The following ZNF679 variants were observed in gnomAD, a reference collection of about 807,000 sequenced individuals.
The protein encoded by ZNF679 is zinc finger protein 679.
Under a neutral mutation model 13.4 loss-of-function variants are expected in ZNF679, and 10 were observed. The ratio of observed to expected loss-of-function variants is 0.75; its 90% CI spans 0.46 to 1.27. The LOEUF (loss-of-function observed/expected upper bound fraction) is 1.27, where lower values mean the gene tolerates loss of function less well. Among genes scored for constraint, ZNF679 ranks in the 50% most tolerant of loss-of-function variants. The pLI, the probability that ZNF679 is intolerant of heterozygous loss-of-function variation, is 0.00. For synonymous variants in ZNF679, 179 were observed against 162.5 expected (o/e 1.10, Z -0.77); for missense variants, 525 against 477.8 (o/e 1.10, Z -0.92).
rs1375460697 is a variant in ZNF679 at position 64,260,284 on chromosome 7, C to T, written c.103C>T (p.His35Tyr). The change falls in exon 3 of 5, where the codon CAC becomes TAC. Residue 35 changes from histidine (H) to tyrosine (Y), a missense_variant. His to Tyr is a moderately conservative substitution (Grantham distance 83). Transcript: ENST00000421025. ...TCTGGAGGAGTGGCAATGCCTGGAT[C>T]ACGCTCAGCAGAATTTATATAGAGA... ...FSLEEWQCLDHAQQNLYRDVM... is the reference protein window; with the variant it reads ...FSLEEWQCLDYAQQNLYRDVM... 1.4e-5 allele frequency: 23 copies of T among 1,612,828 alleles called. No individual in the cohort carries two copies. Among genetic ancestry groups the T allele is most frequent in the Middle Eastern group, 3.3e-4 (2 of 6,070 alleles).
intron 1 of ZNF679, among the ~76,000 whole-genome samples, chr7:64,242,521 A>G (rs1419310365): frequency 1.3e-5 from 2 of 152,182 alleles, no homozygotes; most frequent in Admixed American, 6.6e-5. Context: ...CTGGTTACAA[A>G]AATTGGTCAA....
intron 2 of ZNF679, among the ~76,000 whole-genome samples, chr7:64,255,022 A>T (rs898016922): frequency 5.3e-5 from 8 of 150,272 alleles, no homozygotes; most frequent in Non-Finnish European, 1.2e-4. Context: ...AAAAAAGAAA[A>T]AAAATTGCTT....
At position 64,266,467 on chromosome 7, in the gene ZNF679, C is replaced by G. The variant is rs752286860; in HGVS notation, c.834C>G (p.Ser278Arg). The change falls in exon 5 of 5, where the codon AGC becomes AGG. Residue 278 changes from serine (S) to arginine (R), a missense_variant. Physicochemically the swap from Ser to Arg is moderately radical, Grantham distance 110. Coordinates refer to ENST00000421025, the MANE Select transcript of ZNF679 (RefSeq NM_153363.3). Reference protein sequence around the residue: ...YTCEECGQAFSRSSTLANHKR... With the variant: ...YTCEECGQAFRRSSTLANHKR... ...GTGAAGAATGTGGCCAAGCCTTTAG[C>G]CGCTCCTCAACACTTGCTAACCACA... 73 of 1,613,326 alleles carry G rather than the reference C, an allele frequency of 4.5e-5. No individual in the cohort carries two copies. The highest frequency in any genetic ancestry group is 5.6e-5 in the Non-Finnish European group (66 of 1,179,758).
At chr7:64,241,157 G>A (rs1787793372) in intron 1 of ZNF679, among the ~76,000 whole-genome samples, 1 of 152,124 alleles carries the variant, frequency 6.6e-6, no homozygotes, top group Non-Finnish European at 1.5e-5. Flanking sequence ...GCACTTGAGG[G>A]CTTCATACAA....
At chr7:64,259,265 G>T (rs1263189248) in intron 2 of ZNF679, among the ~76,000 whole-genome samples, 1 of 152,102 alleles carries the variant, frequency 6.6e-6, no homozygotes, top group East Asian at 1.9e-4. Flanking sequence ...ATGCCATGCA[G>T]AATTCTCACC....
intron 1 of ZNF679, among the ~76,000 whole-genome samples, chr7:64,247,857 TG>T (rs1441636727): frequency 7.5e-6 from 1 of 133,110 alleles, no homozygotes; most frequent in Non-Finnish European, 1.7e-5. Context: ...GGCCCTACCA[TG>T]TTTTTTTTTT....
At chr7:64,232,529 C>T (rs936387173) in intron 1 of ZNF679, among the ~76,000 whole-genome samples, 2 of 152,186 alleles carry the variant, frequency 1.3e-5, no homozygotes, top group African/African-American at 2.4e-5. Flanking sequence ...AGGTGAGTCA[C>T]GTTACCTTGG....
intron 1 of ZNF679, among the ~76,000 whole-genome samples, chr7:64,236,907 AAAGAAAGAAAGAAAG>A (rs1787722521): frequency 1.6e-5 from 2 of 125,856 alleles, no homozygotes; most frequent in South Asian, 2.7e-4. Flanking sequence ...AAAAAGAAAA[AAAGAAAGAAAGAAAG>A]AAGAAAGAAA....
At position 64,266,249 on chromosome 7, in the gene ZNF679, C is replaced by T. The variant is rs1172188893; in HGVS notation, c.616C>T (p.His206Tyr). The T allele has an allele frequency of 1.3e-6, 2 of 1,583,236 alleles. No homozygotes were observed. Among genetic ancestry groups the T allele is most frequent in the South Asian group, 1.1e-5 (1 of 88,576 alleles). ...ACAACTACATCAACATCAGATAATTCATACTAGGGAGAATTCCTACCAATG... is the reference window on the plus strand; with the variant it reads ...ACAACTACATCAACATCAGATAATTTATACTAGGGAGAATTCCTACCAATG... ...VSQLHQHQII[H>Y]TRENSYQCEE... Residue 206 changes from histidine (H) to tyrosine (Y), a missense_variant, in exon 5 of 5, where the codon CAT becomes TAT. Coordinates refer to ENST00000421025, the MANE Select transcript of ZNF679 (RefSeq NM_153363.3).
chr7:64,230,582 A>G (rs916472845), intron 1 of ZNF679, among the ~76,000 whole-genome samples: 1 of 151,496 alleles, frequency 6.6e-6, no homozygotes, highest in Admixed American at 6.6e-5. Context: ...CAAGAACAGG[A>G]GAGTAATATC....
At chr7:64,256,973 G>A (rs569838047) in intron 2 of ZNF679, among the ~76,000 whole-genome samples, 59 of 152,264 alleles carry the variant, frequency 3.9e-4, no homozygotes, top group South Asian at 2.3e-3. Context: ...TGGGATTATA[G>A]TCGTGAGCCA....
rs1444914070 is a variant in ZNF679 at position 64,266,401 on chromosome 7, T to C, written c.768T>C (p.Thr256=). The change falls in exon 5 of 5, where the codon ACT becomes ACC. Residue 256 remains threonine, a synonymous_variant. Coordinates refer to ENST00000421025, the MANE Select transcript of ZNF679 (RefSeq NM_153363.3). ...GKAFTWSSTL[T]KHRRIHTGEK... ...CTTTTACCTGGTCCTCAACCCTTAC[T>C]AAACATAGGAGAATTCATACTGGAG... The C allele has an allele frequency of 6.2e-7, 1 of 1,612,924 alleles. No homozygotes were observed. The highest frequency in any genetic ancestry group is 1.1e-5 in the South Asian group (1 of 91,046).
intron 2 of ZNF679, among the ~76,000 whole-genome samples, chr7:64,259,024 G>A (rs1471504417): frequency 2.6e-5 from 4 of 151,996 alleles, no homozygotes; most frequent in Admixed American, 1.3e-4. Context: ...CGATTCTCCT[G>A]CCTCAGCCTC....
intron 2 of ZNF679, among the ~76,000 whole-genome samples, chr7:64,249,703 T>G (rs1787917275): frequency 6.6e-6 from 1 of 152,238 alleles, no homozygotes; most frequent in Non-Finnish European, 1.5e-5. Flanking sequence ...CCAAATTCAG[T>G]AACTGCTTTG....
intron 1 of ZNF679, among the ~76,000 whole-genome samples, chr7:64,245,905 C>T (rs1354480672): frequency 6.6e-6 from 1 of 152,174 alleles, no homozygotes; most frequent in Non-Finnish European, 1.5e-5. Flanking sequence ...ACTCAGGAGG[C>T]TGAGGCAGGA....
At chr7:64,249,610 T>G (rs1429425369) in intron 2 of ZNF679, among the ~76,000 whole-genome samples, 1 of 152,182 alleles carries the variant, frequency 6.6e-6, no homozygotes, top group Non-Finnish European at 1.5e-5. Flanking sequence ...TCAAGAATCA[T>G]AGAGTGCCCA....
chr7:64,260,479 G>A, intron 3 of ZNF679, 132 bp downstream of exon 3: 2 of 1,379,502 alleles, frequency 1.4e-6, no homozygotes, highest in Non-Finnish European at 1.9e-6. Context: ...GGGATTCATT[G>A]GTGTAGAACA....
At chr7:64,251,014 CATT>C (rs201701326) in intron 2 of ZNF679, among the ~76,000 whole-genome samples, 2,232 of 152,320 alleles carry the variant, frequency 0.015, 66 homozygotes, top group Admixed American at 0.074. Flanking sequence ...TTCTAACTCA[CATT>C]ATTACCTATT....
intron 2 of ZNF679, among the ~76,000 whole-genome samples, chr7:64,259,080 T>A (rs1788042243): frequency 6.6e-6 from 1 of 151,890 alleles, no homozygotes; most frequent in Non-Finnish European, 1.5e-5. Context: ...CCCAGCTAAT[T>A]TTTGTATTTT....
Sources: gnomAD v4.1 joint callset for allele counts (sites outside exome capture counted in the v4.1 genomes callset) on GRCh38, gnomAD v4.1.1 for gene constraint, MANE v1.5 for transcripts, NCBI Gene and HGNC (gene_info 2026-07-23, HGNC 2026-07-21) for gene names.